The following DCC variants were observed in gnomAD, a reference collection of about 807,000 sequenced individuals.
The protein encoded by DCC is DCC netrin 1 receptor.
DCC carries 58 observed loss-of-function variants against 172.5 expected under a neutral mutation model. The ratio of observed to expected loss-of-function variants is 0.34; its 90% confidence interval spans 0.27 to 0.42. DCC has a LOEUF of 0.42. Among genes scored for constraint, DCC ranks in the 10% least tolerant of loss-of-function variants. The pLI is 1.00. For missense variants in DCC, 1,740 were observed against 1,791.0 expected (o/e 0.97, Z 0.51); for synonymous variants, 709 against 644.5 (o/e 1.10, Z -1.52).
At chr18:53,491,340 A>T (rs943407902) in intron 26 of DCC, among the ~76,000 whole-genome samples, 5 of 152,194 alleles carry the variant, frequency 3.3e-5, no homozygotes, top group Non-Finnish European at 5.9e-5. Flanking sequence ...TGTACATTCT[A>T]TTAAACTTAC....
chr18:53,463,962 T>A (rs1405338705), intron 24 of DCC, among the ~76,000 whole-genome samples: 1 of 152,210 alleles, frequency 6.6e-6, no homozygotes, highest in East Asian at 1.9e-4. Context: ...TACTCATTCT[T>A]CCCTACTGCT....
chr18:52,700,059 A>C (rs967246424), intron 1 of DCC, among the ~76,000 whole-genome samples: 7 of 152,092 alleles, frequency 4.6e-5, no homozygotes, highest in Non-Finnish European at 8.8e-5. Flanking sequence ...AAAAAAAAAA[A>C]AACACTCATT....
At chr18:53,408,821 T>TGTAA (rs1909821389) in intron 19 of DCC, among the ~76,000 whole-genome samples, 1 of 152,196 alleles carries the variant, frequency 6.6e-6, no homozygotes, top group Non-Finnish European at 1.5e-5. Flanking sequence ...ACAAAATAGA[T>TGTAA]GTAAGTTTTC....
At chr18:52,804,443 G>A (rs16955522) in intron 2 of DCC, among the ~76,000 whole-genome samples, 50,025 of 152,058 alleles carry the variant, frequency 0.33, 10,151 homozygotes, top group East Asian at 0.65. Context: ...ACATTGTATC[G>A]TTGAATCCTT....
chr18:52,881,465 A>G (rs1488790302), intron 2 of DCC, among the ~76,000 whole-genome samples: 2 of 152,168 alleles, frequency 1.3e-5, no homozygotes, highest in African/African-American at 4.8e-5. Flanking sequence ...GTTTTACTGT[A>G]GTAGTTTCAT....
intron 21 of DCC, among the ~76,000 whole-genome samples, chr18:53,425,044 T>C (rs1910831546): frequency 6.6e-6 from 1 of 151,928 alleles, no homozygotes; most frequent in South Asian, 2.1e-4. Context: ...GAGAAAAGGA[T>C]GATGGGATGG....
intron 14 of DCC, among the ~76,000 whole-genome samples, chr18:53,334,242 A>G (rs1254517819): frequency 6.6e-6 from 1 of 152,160 alleles, no homozygotes; most frequent in Non-Finnish European, 1.5e-5. Flanking sequence ...AGTAATATCA[A>G]TGAGACCACA....
intron 5 of DCC, among the ~76,000 whole-genome samples, chr18:52,955,662 C>T (rs1389864426): frequency 6.6e-6 from 1 of 152,070 alleles, no homozygotes; most frequent in East Asian, 1.9e-4. Flanking sequence ...TGCATTCCCA[C>T]CAATAATGAA....
intron 2 of DCC, among the ~76,000 whole-genome samples, chr18:52,888,082 C>T (rs1356295018): frequency 1.3e-5 from 2 of 152,198 alleles, no homozygotes; most frequent in African/African-American, 4.8e-5. Flanking sequence ...ATCTCCTGTC[C>T]TTTGTTTTAA....
rs2042113211 is a variant in DCC at position 53,037,597 on chromosome 18, T to G, written c.986-25708T>G. ...CTTAAAAAAATTGAAGTCCTAAAAT[T>G]TACCAGCTCTGAAGGAATATACCAT... On this transcript the variant is annotated intron_variant, in intron 5 of 28. Transcript: ENST00000442544. Among the ~76,000 whole-genome samples, 6 of 152,030 alleles carry G rather than the reference T, an allele frequency of 3.9e-5. No homozygotes were observed. The South Asian group carries it at 1.2e-3, about 32-fold the overall frequency.
chr18:53,313,451 G>A (rs2057306960), intron 13 of DCC, among the ~76,000 whole-genome samples: 2 of 151,982 alleles, frequency 1.3e-5, no homozygotes, highest in Admixed American at 6.5e-5. Flanking sequence ...TCACCATGTT[G>A]ACCAAGCTGG....
intron 5 of DCC, among the ~76,000 whole-genome samples, chr18:53,032,767 T>C (rs1004053323): frequency 1.3e-5 from 2 of 152,124 alleles, no homozygotes; most frequent in Non-Finnish European, 2.9e-5. Flanking sequence ...AGGGATTCTT[T>C]TCTGAGCAGA....
At chr18:52,865,189 A>G (rs578180255) in intron 2 of DCC, among the ~76,000 whole-genome samples, 1 of 152,250 alleles carries the variant, frequency 6.6e-6, no homozygotes, top group South Asian at 2.1e-4. Context: ...TTATGGCTGT[A>G]TAGTATTCCA....
intron 14 of DCC, among the ~76,000 whole-genome samples, chr18:53,325,015 A>G (rs1440444992): frequency 6.6e-6 from 1 of 151,976 alleles, no homozygotes; most frequent in Non-Finnish European, 1.5e-5. Flanking sequence ...CAACATGGTG[A>G]AACCCCGTCT....
At chr18:52,434,930 C>A (rs1987742668) in intron 1 of DCC, among the ~76,000 whole-genome samples, 2 of 152,146 alleles carry the variant, frequency 1.3e-5, no homozygotes, top group African/African-American at 4.8e-5. Flanking sequence ...ACACATATGT[C>A]CTGTAGATTG....
At chr18:53,328,689 C>G (rs2057495882) in intron 14 of DCC, among the ~76,000 whole-genome samples, 1 of 152,046 alleles carries the variant, frequency 6.6e-6, no homozygotes, top group African/African-American at 2.4e-5. Context: ...CATCCACCAC[C>G]ATGCTTGGCT....
intron 1 of DCC, among the ~76,000 whole-genome samples, chr18:52,630,579 A>G (rs574948473): frequency 8.5e-5 from 13 of 152,220 alleles, no homozygotes; most frequent in East Asian, 7.7e-4. Flanking sequence ...ATGAAGTCCC[A>G]TGCAAAGCTG....
intron 1 of DCC, among the ~76,000 whole-genome samples, chr18:52,549,381 T>C (rs2032701100): frequency 6.6e-6 from 1 of 152,038 alleles, no homozygotes; most frequent in Non-Finnish European, 1.5e-5. Context: ...TGCTATTCTC[T>C]TATCCCCATT....
intron 1 of DCC, among the ~76,000 whole-genome samples, chr18:52,700,281 C>G (rs1028283442): frequency 1.2e-4 from 10 of 81,164 alleles, no homozygotes; most frequent in Non-Finnish European, 2.2e-4. Context: ...TGCACACATG[C>G]ACACACATGC....
Sources: gnomAD v4.1 joint callset for allele counts (sites outside exome capture counted in the v4.1 genomes callset) on GRCh38, gnomAD v4.1.1 for gene constraint, MANE v1.5 for transcripts, NCBI Gene and HGNC (gene_info 2026-07-23, HGNC 2026-07-21) for gene names.